TTN: variants seen among roughly 807,000 people sequenced by gnomAD.
TTN encodes titin.
Under a neutral mutation model 3,223.0 loss-of-function variants are expected in TTN, and 1,525 were observed. That is an observed-to-expected ratio of 0.47 (90% CI 0.45 to 0.49). The LOEUF is 0.49. Ranked by LOEUF, TTN falls within the 20% of genes least tolerant of loss-of-function variation. TTN has a pLI of 0.00. For missense variants in TTN, 40,786 were observed against 43,424.0 expected, an observed-to-expected ratio of 0.94 and a Z score of 5.40; for synonymous variants, 14,094 against 15,161.0, an observed-to-expected ratio of 0.93 and a Z score of 5.17.
rs117097948 is a variant in TTN at position 178,552,976 on chromosome 2, G to A, written c.89924C>T (p.Ala29975Val). The A allele has an allele frequency of 3.2e-5, 52 of 1,612,476 alleles. No homozygotes were observed. The South Asian group carries it at 3.7e-4, about 12-fold the overall frequency. Reference sequence around the variant, plus strand: ...CACGACAGACCATGTTCTCTTGGTGGCATCTCTCTTTTCAATGACATAATT... The same window carrying A: ...CACGACAGACCATGTTCTCTTGGTGACATCTCTCTTTTCAATGACATAATT... Reference protein sequence around the residue: ...IINYVIEKRDATKRTWSVVSH... With the variant: ...IINYVIEKRDVTKRTWSVVSH... The change falls in exon 335 of 363, where the codon GCC (alanine) becomes GTC (valine). Residue 29975 changes from alanine to valine, a missense_variant. Ala to Val is a moderately conservative substitution (Grantham distance 64). Coordinates refer to ENST00000589042, the MANE Select transcript of TTN (RefSeq NM_001267550.2).
Position 178,712,995 on chromosome 2 carries a change from T to A in TTN, c.27050-20A>T. On this transcript the variant is annotated intron_variant, in intron 93 of 362. Coordinates refer to ENST00000589042, the MANE Select transcript of TTN (RefSeq NM_001267550.2). The stretch of plus-strand genomic sequence containing the variant: ...GTGGTTCTAAACACAAAAGCACATA[T>A]CAGAAAAGGTTTAGTATTTGTGAAT... 1 of 1,608,522 alleles carries A rather than the reference T, an allele frequency of 6.2e-7. No individual in the cohort carries two copies. Among genetic ancestry groups the A allele is most frequent in the Non-Finnish European group, 8.5e-7 (1 of 1,176,196 alleles).
rs1361872004 is a variant in TTN at position 178,789,996 on chromosome 2, C to T, written c.1920G>A (p.Val640=). The part of the protein sequence containing the change: ...REGITTKREQ[V]QITQEKMRKE... The stretch of plus-strand genomic sequence containing the variant: ...TATTCACCTTCTCCTGAGTTATTTG[C>T]ACTTGTTCTCTTTTGGTAGTAATGC... Residue 640 remains valine, a synonymous_variant, in exon 12 of 363, where the codon GTG becomes GTA. Transcript: ENST00000589042. 7.4e-6 allele frequency: 12 copies of T among 1,612,968 alleles called. No individual in the cohort carries two copies. Among genetic ancestry groups the T allele is most frequent in the East Asian group, 2.2e-5 (1 of 44,698 alleles).
Position 178,583,904 on chromosome 2 carries a change from G to T in TTN, c.65278C>A (p.Pro21760Thr). ...TCAATAACCTCAGGTTTCCCAGGAG[G>T]ATCTAAAACAAAAAGAGGTACACTC... is the stretch of plus-strand genomic sequence containing the variant. ...EYVTARMPVDPPGKPEVIDVT... is the reference protein window; with the variant it reads ...EYVTARMPVDTPGKPEVIDVT... The change falls in exon 312 of 363, where the codon CCT becomes ACT. Residue 21760 changes from proline (P) to threonine (T), a missense_variant and splice_region_variant. Transcript: ENST00000589042. 4 of 1,553,678 alleles carry T rather than the reference G, an allele frequency of 2.6e-6. No homozygotes were observed. Among genetic ancestry groups the T allele is most frequent in the Non-Finnish European group, 3.5e-6 (4 of 1,147,186 alleles).
In TTN at chr2:178,589,484, A is replaced by G. The variant is rs2049763633; in HGVS notation, c.62241T>C (p.Asn20747=). 2 of 1,613,188 alleles carry G rather than the reference A, an allele frequency of 1.2e-6. No individual in the cohort carries two copies. Among genetic ancestry groups the G allele is most frequent in the African/African-American group, 2.7e-5 (2 of 74,870 alleles). The change falls in exon 304 of 363, where the codon AAT becomes AAC. Residue 20747 remains asparagine (N), a synonymous_variant. Coordinates refer to ENST00000589042, the MANE Select transcript of TTN (RefSeq NM_001267550.2). ...TCACCCAGTCACTTTCCCCACCTTC[A>G]TTCTTTGTTTGCACTCTGAACTCAT... The part of the protein sequence containing the change: ...QIYEFRVQTK[N]EGGESDWVKT...
Position 178,535,168 on chromosome 2 carries a change from T to C in TTN, c.101447A>G (p.Tyr33816Cys). The change falls in exon 358 of 363, where the codon TAT becomes TGT. Residue 33816 changes from tyrosine (Y) to cysteine (C), a missense_variant. By Grantham distance (194) the Tyr-to-Cys change is radical. Coordinates refer to ENST00000589042, the MANE Select transcript of TTN (RefSeq NM_001267550.2). The part of the protein sequence containing the change: ...KASHSSTKEL[Y>C]EKYMIAEDLG... ...ATCTTCAGCAATCATATATTTCTCA[T>C]AGAGTTCCTTGGTTGAAGAGTGAGA... The C allele has an allele frequency of 1.2e-6, 2 of 1,613,888 alleles. No homozygotes were observed. The highest frequency in any genetic ancestry group is 1.3e-5 in the African/African-American group (1 of 75,042).
rs1553566157 is a variant in TTN, at chr2:178,561,979, A to G, written c.84153T>C (p.Ile28051=). The G allele has an allele frequency of 1.2e-6, 2 of 1,613,430 alleles. No homozygotes were observed. The highest frequency in any genetic ancestry group is 4.5e-5 in the East Asian group (2 of 44,752). ...AGSITVPITI[I]VLDRPGPPGP... is the part of the protein sequence containing the mutation. ...CTGGAGGTCCTGGTCTGTCAAGGAC[A>G]ATTATAGTAATAGGAACTGTTATGG... The change falls in exon 326 of 363, where the codon ATT becomes ATC. Residue 28051 remains isoleucine (I), a synonymous_variant. Transcript: ENST00000589042.
chr2:178,586,519 G>A lies in TTN; in HGVS notation c.64382C>T (p.Ala21461Val). The change falls in exon 308 of 363, where the codon GCC becomes GTC. Residue 21461 changes from alanine to valine, a missense_variant. Ala to Val is a moderately conservative substitution (Grantham distance 64, BLOSUM62 0). Coordinates refer to ENST00000589042, the MANE Select transcript of TTN (RefSeq NM_001267550.2). The part of the protein sequence containing the change: ...LPREAEGVYE[A>V]KEQLLPPKIL... ...AGACTACTTACACAGTTGTTCTTTG[G>A]CTTCATACACTCCTTCAGCTTCTCT... is the stretch of plus-strand genomic sequence containing the variant. The A allele has an allele frequency of 6.2e-7, 1 of 1,612,902 alleles. No individual in the cohort carries two copies. The highest frequency in any genetic ancestry group is 8.5e-7 in the Non-Finnish European group (1 of 1,179,284).
In TTN at chr2:178,588,640, G is replaced by A; in HGVS notation, c.63085C>T (p.Leu21029Phe). 6.2e-7 allele frequency: 1 copy of A among 1,606,908 alleles called. No individual in the cohort carries two copies. The highest frequency in any genetic ancestry group is 8.5e-7 in the Non-Finnish European group (1 of 1,177,002). The part of the protein sequence containing the change: ...PERRMKVQNL[L>F]PDHEYQFRVK... ...CGGAACTGATATTCATGGTCTGGGA[G>A]GAGATTCTGTACTTTCATACGTCTC... is the stretch of plus-strand genomic sequence containing the variant. Residue 21029 changes from leucine (L) to phenylalanine (F), a missense_variant, in exon 304 of 363, where the codon CTC (leucine) becomes TTC (phenylalanine). Transcript: ENST00000589042.
chr2:178,594,781 T>C (rs899025082), intron 295 of TTN, 135 bp from the exon 296 acceptor site: 5 of 670,530 alleles, frequency 7.5e-6, no homozygotes, highest in African/African-American at 7.3e-5. Context: ...GCAAAAGAGA[T>C]CTCATCATAA....
chr2:178,606,955 C>T, intron 278 of TTN, 66 bp downstream of exon 278: 4 of 1,542,544 alleles, frequency 2.6e-6, no homozygotes, highest in Non-Finnish European at 3.5e-6. Flanking sequence ...AGCCATAAAG[C>T]TCAGTAAATA....
Position 178,632,689 on chromosome 2 carries a change from AC to A in TTN, c.43316del (p.Arg14439LeufsTer3). 6.2e-7 allele frequency: 1 copy of A among 1,613,404 alleles called. No individual in the cohort carries two copies. Among genetic ancestry groups the A allele is most frequent in the Non-Finnish European group, 8.5e-7 (1 of 1,179,550 alleles). ...TGATTTCCTGGGTTCCTTTTAGCCA[AC>A]GGAATGTTTTGGGCTCCCTGGATAC... Reference protein sequence around the residue: ...CEVSREPKTFRWLKGTQEITG... With the variant: ...CEVSREPKTFXWLKGTQEITG... On this transcript the variant is annotated frameshift_variant, in exon 235 of 363. Transcript: ENST00000589042. LOFTEE classifies it high-confidence loss of function.
In TTN at chr2:178,533,343, C is replaced by T. The variant is rs1690021761; in HGVS notation, c.103272G>A (p.Arg34424=). ...AACCCGTGTCTTCAGGCAAAGTGTC[C>T]CTGATGTGCAGAGCATAATAATCCA... ...EGLDYYALHI[R]DTLPEDTGYY... The change falls in exon 358 of 363, where the codon AGG becomes AGA. Residue 34424 remains arginine, a synonymous_variant. Transcript: ENST00000589042. 18 of 1,613,566 alleles carry T rather than the reference C, an allele frequency of 1.1e-5. No individual in the cohort carries two copies. The highest frequency in any genetic ancestry group is 1.4e-5 in the Non-Finnish European group (16 of 1,179,842).
In TTN at chr2:178,727,323, G is replaced by T; in HGVS notation, c.20042C>A (p.Ala6681Glu). 1 of 1,610,162 alleles carries T rather than the reference G, an allele frequency of 6.2e-7. No homozygotes were observed. The highest frequency in any genetic ancestry group is 8.5e-7 in the Non-Finnish European group (1 of 1,177,886). ...GCATTCAAGTCGTGAAGAGTCACCT[G>T]CTTTCACAATTTTGGAGGCTTCTAA... is the stretch of plus-strand genomic sequence containing the variant. ...KKLEASKIVK[A>E]GDSSRLECKI... is the part of the protein sequence containing the mutation. Residue 6681 changes from alanine (A) to glutamate (E), a missense_variant, in exon 69 of 363, where the codon GCA (alanine) becomes GAA (glutamate). Transcript: ENST00000589042.
intron 133 of TTN, 104 bp downstream of exon 133, chr2:178,683,895 T>C (rs1390076488): frequency 1.2e-6 from 1 of 820,890 alleles, no homozygotes; most frequent in Non-Finnish European, 1.8e-6. Flanking sequence ...ATTGCTTACT[T>C]TATACTATGT....
Position 178,631,248 on chromosome 2 carries a change from T to C in TTN, c.43800A>G (p.Lys14600=), listed in dbSNP as rs769967388. The change falls in exon 237 of 363, where the codon AAA becomes AAG. Residue 14600 remains lysine, a synonymous_variant. Coordinates refer to ENST00000589042, the MANE Select transcript of TTN (RefSeq NM_001267550.2). ...TTTCACACTGTAGAATAACTTCATC[T>C]TTCTCTACACCAGTATAATCTTGAA... is the stretch of plus-strand genomic sequence containing the variant. ...GKLQDYTGVE[K]DEVILQCEIS... 3.1e-6 allele frequency: 5 copies of C among 1,612,350 alleles called. No homozygotes were observed. The highest frequency in any genetic ancestry group is 4.2e-6 in the Non-Finnish European group (5 of 1,179,324).
chr2:178,752,043 GAAAA>G (rs58651353), intron 47 of TTN: 7 of 1,399,096 alleles, frequency 5.0e-6, no homozygotes, highest in Admixed American at 2.2e-5. Flanking sequence ...AATAATTCTG[GAAAA>G]AAAAAAAAAA....
At position 178,635,682 on chromosome 2, in the gene TTN, C is replaced by A; in HGVS notation, c.41642G>T (p.Arg13881Leu). The change falls in exon 227 of 363, where the codon CGA becomes CTA. Residue 13881 changes from arginine to leucine, a missense_variant. Arg to Leu is a moderately radical substitution (Grantham distance 102, BLOSUM62 -2). Coordinates refer to ENST00000589042, the MANE Select transcript of TTN (RefSeq NM_001267550.2). ...VIRDWLVKPI[R>L]DQHVKPKGTA... is the part of the protein sequence containing the mutation. ...CCCCTTGGGTTTCACATGCTGGTCT[C>A]GTATAGGTTTCACCAGCCAATCTCT... The A allele has an allele frequency of 6.2e-7, 1 of 1,601,670 alleles. No individual in the cohort carries two copies. The highest frequency in any genetic ancestry group is 8.5e-7 in the Non-Finnish European group (1 of 1,173,820).
Position 178,713,918 on chromosome 2 carries a change from T to C in TTN, c.26740A>G (p.Thr8914Ala), listed in dbSNP as rs1387091014. ...CAACCTGAAACCTGCAATGAAGCTGTGCAGCTGTCTTTGCCAACAGGGTTC... is the reference window on the plus strand; with the variant it reads ...CAACCTGAAACCTGCAATGAAGCTGCGCAGCTGTCTTTGCCAACAGGGTTC... ...VQNPVGKDSC[T>A]ASLQVSDRTV... The change falls in exon 92 of 363, where the codon ACA becomes GCA. Residue 8914 changes from threonine (T) to alanine (A), a missense_variant. Transcript: ENST00000589042. 1.2e-6 allele frequency: 2 copies of C among 1,613,448 alleles called. No individual in the cohort carries two copies. Among genetic ancestry groups the C allele is most frequent in the Admixed American group, 3.3e-5 (2 of 59,962 alleles).
chr2:178,590,052 G>A lies in TTN; in HGVS notation c.61673C>T (p.Ala20558Val). ...GACGTTAACGATGGCTGAACCTTGG[G>A]CATGTCCACTGCTGTTCTTAGCTGA... ...IISAKNSSGH[A>V]QGSAIVNVLD... is the part of the protein sequence containing the mutation. Residue 20558 changes from alanine to valine, a missense_variant, in exon 304 of 363, where the codon GCC becomes GTC. Physicochemically the swap from Ala to Val is moderately conservative, Grantham distance 64. Transcript: ENST00000589042. 1 of 1,613,148 alleles carries A rather than the reference G, an allele frequency of 6.2e-7. No individual in the cohort carries two copies. The highest frequency in any genetic ancestry group is 1.1e-5 in the South Asian group (1 of 91,044).
Sources: gnomAD v4.1 joint callset for allele counts on GRCh38, gnomAD v4.1.1 for gene constraint, MANE v1.5 for transcripts, NCBI Gene and HGNC (gene_info 2026-07-23, HGNC 2026-07-21) for gene names.